The following STARD13 variants were observed in gnomAD, a reference collection of about 807,000 sequenced individuals.
STARD13 encodes the protein stAR-related lipid transfer protein 13.
A neutral mutation model predicts 106.4 loss-of-function variants in STARD13; 62 were observed. The ratio of observed to expected loss-of-function variants is 0.58; its 90% CI spans 0.48 to 0.72. STARD13 has a LOEUF of 0.72. Among genes scored for constraint, STARD13 ranks in the 30% least tolerant of loss-of-function variants. STARD13 has a pLI of 0.00. For missense variants in STARD13, 1,387 were observed against 1,424.0 expected, an observed-to-expected ratio of 0.97 and a Z score of 0.42; for synonymous variants, 565 against 553.0, an observed-to-expected ratio of 1.02 and a Z score of -0.31.
the STARD13 span, among the ~76,000 whole-genome samples, chr13:33,429,423 C>A: frequency 1.3e-5 from 2 of 151,758 alleles, no homozygotes; most frequent in Admixed American, 1.3e-4. Flanking sequence ...GGTGAAACCC[C>A]GGTTCTACTA....
At chr13:33,438,599 A>G in the STARD13 span, among the ~76,000 whole-genome samples, 3 of 152,176 alleles carry the variant, frequency 2.0e-5, no homozygotes, top group African/African-American at 7.2e-5. Flanking sequence ...GGGAGAGCTG[A>G]TAGGTTCGGC....
At chr13:33,290,000 C>T (rs1397948578), upstream of STARD13, among the ~76,000 whole-genome samples, 1 of 152,186 alleles carries the variant, frequency 6.6e-6, no homozygotes, top group Non-Finnish European at 1.5e-5. Flanking sequence ...AATGCAAACA[C>T]TCCAAATACA....
the STARD13 span, among the ~76,000 whole-genome samples, chr13:33,447,223 A>T: frequency 6.6e-6 from 1 of 152,254 alleles, no homozygotes; most frequent in Non-Finnish European, 1.5e-5. Flanking sequence ...GCAAGGACCT[A>T]AAAACGTCCG....
the STARD13 span, among the ~76,000 whole-genome samples, chr13:33,438,482 T>A: frequency 3.5e-3 from 535 of 152,294 alleles, 2 homozygotes; most frequent in African/African-American, 0.013. Context: ...GGGTTATATA[T>A]AGTTGAAGTC....
chr13:33,224,126 G>A (rs761498295), intron 1 of STARD13, among the ~76,000 whole-genome samples: 6 of 152,178 alleles, frequency 3.9e-5, no homozygotes, highest in Non-Finnish European at 7.4e-5. Context: ...AAAGAGAGCA[G>A]TTACACTTGA....
intron 1 of STARD13, among the ~76,000 whole-genome samples, chr13:33,330,710 G>A (rs377200185): frequency 7.9e-4 from 120 of 152,232 alleles, no homozygotes; most frequent in African/African-American, 2.7e-3. Context: ...TGGCTACAAA[G>A]TGTCTGTAAT....
chr13:33,274,039 A>T (rs1891291005), intron 1 of STARD13: 1 of 152,078 alleles, frequency 6.6e-6, no homozygotes, highest in Admixed American at 6.6e-5. Flanking sequence ...AAAAACATGG[A>T]AGCAATCAGC....
chr13:33,282,165 C>T (rs1336761218), intron 1 of STARD13, among the ~76,000 whole-genome samples: 3 of 152,024 alleles, frequency 2.0e-5, no homozygotes, highest in Admixed American at 2.0e-4. Flanking sequence ...ACAACAATTT[C>T]CCTATTGATT....
At chr13:33,566,204 T>C in the STARD13 span, among the ~76,000 whole-genome samples, 16,741 of 148,142 alleles carry the variant, frequency 0.11, 2,511 homozygotes, top group East Asian at 0.32. Context: ...ATTCACATAG[T>C]ATGCAGGATT....
the STARD13 span, among the ~76,000 whole-genome samples, chr13:33,436,010 T>A: frequency 6.6e-6 from 1 of 152,212 alleles, no homozygotes; most frequent in African/African-American, 2.4e-5. Context: ...CTTGTGAAAT[T>A]CTGTTCCTGA....
intron 8 of STARD13, chr13:33,113,638 T>A: frequency 2.1e-6 from 1 of 477,744 alleles, no homozygotes; most frequent in Non-Finnish European, 4.2e-6. Context: ...AATCTTGGGG[T>A]TTATGGAAAT....
At position 33,163,941 on chromosome 13, in the gene STARD13, TGAG is replaced by T. The variant is rs759260484; in HGVS notation, c.323+1393_323+1395del. Among the ~76,000 whole-genome samples the T allele has an allele frequency of 2.8e-4, 42 of 151,986 alleles. 1 individual carries two copies. Among genetic ancestry groups the T allele is most frequent in the Admixed American group, 1.9e-3 (29 of 15,234 alleles). ...TGGCTCTGAGTGGAGTGAATGCTTA[TGAG>T]GAGGAATCTGCTCCTGCTTGCTGTG... is the stretch of plus-strand genomic sequence containing the variant. On this transcript the variant is annotated intron_variant, in intron 3 of 13. Transcript: ENST00000336934.
At chr13:33,307,191 C>G (rs112456450) in intron 1 of STARD13, among the ~76,000 whole-genome samples, 1,840 of 152,200 alleles carry the variant, frequency 0.012, 35 homozygotes, top group African/African-American at 0.041. Context: ...AAAAGAAATG[C>G]CTTTACACGG....
At chr13:33,147,609 C>T (rs1309498597) in intron 3 of STARD13, among the ~76,000 whole-genome samples, 2 of 152,088 alleles carry the variant, frequency 1.3e-5, no homozygotes, top group Admixed American at 6.5e-5. Flanking sequence ...CAATGACCAC[C>T]CTGGGAAGAG....
chr13:33,372,423 C>T, the STARD13 span, among the ~76,000 whole-genome samples: 1 of 151,484 alleles, frequency 6.6e-6, no homozygotes, highest in African/African-American at 2.4e-5. Flanking sequence ...ACTAAGTGAT[C>T]GACTCATGTC....
In STARD13 at chr13:33,129,595, C is replaced by A. The variant is rs376998471; in HGVS notation, c.1082G>T (p.Gly361Val). 1.2e-6 allele frequency: 2 copies of A among 1,613,952 alleles called. No homozygotes were observed. The highest frequency in any genetic ancestry group is 1.1e-5 in the South Asian group (1 of 91,088). Residue 361 changes from glycine to valine, a missense_variant, in exon 5 of 14, where the codon GGC becomes GTC. Gly to Val is a moderately radical substitution (Grantham distance 109, BLOSUM62 -3). Transcript: ENST00000336934. Reference protein sequence around the residue: ...RKCHEANKRGGMYLEDLDVLA... With the variant: ...RKCHEANKRGVMYLEDLDVLA... ...CACATCTAGGTCCTCCAAGTACATG[C>A]CCCCGCGCTTGTTGGCCTCGTGGCA...
chr13:33,453,341 C>G, the STARD13 span, among the ~76,000 whole-genome samples: 1 of 152,196 alleles, frequency 6.6e-6, no homozygotes, highest in Non-Finnish European at 1.5e-5. Flanking sequence ...TCACCAAGTT[C>G]TGGACACATC....
At chr13:33,116,061 C>T (rs992466331) in intron 8 of STARD13, among the ~76,000 whole-genome samples, 2 of 152,154 alleles carry the variant, frequency 1.3e-5, no homozygotes, top group East Asian at 1.9e-4. Flanking sequence ...CAACAACACC[C>T]GACGGTTCCC....
chr13:33,308,516 C>CTTTTTTTT (rs1566131085), intron 1 of STARD13, among the ~76,000 whole-genome samples: 2 of 90,808 alleles, frequency 2.2e-5, no homozygotes, highest in African/African-American at 3.5e-5. Flanking sequence ...TTTTCTTTTT[C>CTTTTTTTT]TTTCTTTTTT....
Sources: allele counts gnomAD v4.1 joint callset (sites outside exome capture counted in the v4.1 genomes callset), GRCh38; gene constraint gnomAD v4.1.1; transcripts MANE v1.5; gene names NCBI Gene and HGNC (gene_info 2026-07-23, HGNC 2026-07-21).